The following ADGRV1 variants were observed in gnomAD, a reference collection of about 807,000 sequenced individuals.
ADGRV1 encodes adhesion G protein-coupled receptor V1.
A neutral mutation model predicts 596.2 loss-of-function variants in ADGRV1; 359 were observed. The observed-to-expected ratio is 0.60, with a 90% CI of 0.55 to 0.66. The LOEUF (loss-of-function observed/expected upper bound fraction) is 0.66. Among genes scored for constraint, ADGRV1 ranks in the 30% least tolerant of loss-of-function variants. ADGRV1 has a pLI of 0.00. For missense variants in ADGRV1, 7,274 were observed against 7,575.6 expected (o/e 0.96, Z 1.48); for synonymous variants, 2,681 against 2,679.2 (o/e 1.00, Z -0.02).
Position 90,778,568 on chromosome 5 carries a change from G to A in ADGRV1, c.12808G>A (p.Ala4270Thr), listed in dbSNP as rs764054997. 6.8e-6 allele frequency: 11 copies of A among 1,607,792 alleles called. No homozygotes were observed. Among genetic ancestry groups the A allele is most frequent in the Admixed American group, 3.4e-5 (2 of 59,328 alleles). ...VASDSPYGRFAFSHEQLRVSE... is the reference protein window; with the variant it reads ...VASDSPYGRFTFSHEQLRVSE... ...CAGCGACTCTCCCTATGGCCGATTT[G>A]CCTTTTCACATGAGCAACTTCGAGT... Residue 4270 changes from alanine (A) to threonine (T), a missense_variant, in exon 63 of 90, where the codon GCC becomes ACC. This residue lies in a region of ADGRV1 where 3,643 missense variants were observed against 3,809.2 expected (regional missense o/e 0.96). Transcript: ENST00000405460.
At chr5:90,823,934 C>G (rs1040943362) in intron 76 of ADGRV1, among the ~76,000 whole-genome samples, 2 of 151,896 alleles carry the variant, frequency 1.3e-5, no homozygotes, top group East Asian at 3.9e-4. Flanking sequence ...TTTGTTAGCC[C>G]CTTCCTACTT....
intron 9 of ADGRV1, among the ~76,000 whole-genome samples, chr5:90,631,929 A>G (rs550764530): frequency 1.6e-4 from 24 of 152,306 alleles, no homozygotes; most frequent in African/African-American, 5.5e-4. Context: ...TTAAAAATTG[A>G]TTTTATTAAT....
At position 90,653,882 on chromosome 5, in the gene ADGRV1, C is replaced by G. The variant is rs764931551; in HGVS notation, c.4308C>G (p.Ile1436Met). Residue 1436 changes from isoleucine (I) to methionine (M), a missense_variant, in exon 20 of 90, where the codon ATC becomes ATG. Ile to Met is a conservative substitution (Grantham distance 10). Around this residue, in one of 5 missense-constraint regions of ADGRV1, gnomAD observed 38 missense variants for 66.7 expected, o/e 0.57. Coordinates refer to ENST00000405460, the MANE Select transcript of ADGRV1 (RefSeq NM_032119.4). ...TAATTATCCTGGAGGATGGTATAAT[C>G]GAATTCTACCTGGATGGAAATGCAA... is the stretch of plus-strand genomic sequence containing the variant. ...HLLIILEDGIIEFYLDGNAMP... is the reference protein window; with the variant it reads ...HLLIILEDGIMEFYLDGNAMP... 1.9e-6 allele frequency: 3 copies of G among 1,596,308 alleles called. No homozygotes were observed. The highest frequency in any genetic ancestry group is 4.5e-5 in the East Asian group (2 of 44,466).
intron 10 of ADGRV1, 53 bp downstream of exon 10, chr5:90,635,343 A>T: frequency 8.9e-6 from 9 of 1,008,128 alleles, no homozygotes; most frequent in Middle Eastern, 2.7e-4. Context: ...AGTAATGTAC[A>T]GACACTATTT....
intron 54 of ADGRV1, among the ~76,000 whole-genome samples, chr5:90,754,268 C>A (rs930533307): frequency 6.6e-6 from 1 of 152,004 alleles, no homozygotes; most frequent in Non-Finnish European, 1.5e-5. Flanking sequence ...ATAATTTTAT[C>A]CTGTGAAGTG....
intron 1 of ADGRV1, among the ~76,000 whole-genome samples, chr5:90,613,886 A>G (rs561635230): frequency 8.5e-5 from 13 of 152,258 alleles, no homozygotes; most frequent in African/African-American, 3.1e-4. Flanking sequence ...GTAAAGATTA[A>G]TAGGAAGCAT....
intron 85 of ADGRV1, among the ~76,000 whole-genome samples, chr5:91,005,035 A>G (rs1782158153): frequency 6.6e-6 from 1 of 152,156 alleles, no homozygotes; most frequent in Admixed American, 6.5e-5. Context: ...CATATTTTTT[A>G]AATTGTTGTT....
At chr5:91,086,958 C>G (rs1192149855) in intron 86 of ADGRV1, among the ~76,000 whole-genome samples, 3 of 152,194 alleles carry the variant, frequency 2.0e-5, no homozygotes, top group African/African-American at 4.8e-5. Context: ...CTACAAACAT[C>G]TCGTTACTCA....
At chr5:90,726,653 A>ATGTG (rs55927110) in intron 48 of ADGRV1, among the ~76,000 whole-genome samples, 6,053 of 147,648 alleles carry the variant, frequency 0.041, 140 homozygotes, top group South Asian at 0.096. Context: ...CTCTCTGGGT[A>ATGTG]TGTGTGTGTG....
intron 85 of ADGRV1, among the ~76,000 whole-genome samples, chr5:91,059,098 G>T (rs531081157): frequency 1.9e-4 from 29 of 152,256 alleles, no homozygotes; most frequent in Admixed American, 3.9e-4. Context: ...GAGGATTTGG[G>T]CTTAGCAATA....
At chr5:90,777,199 G>A (rs1037751708) in intron 61 of ADGRV1, among the ~76,000 whole-genome samples, 5 of 152,088 alleles carry the variant, frequency 3.3e-5, no homozygotes, top group African/African-American at 1.2e-4. Flanking sequence ...TGGAAGGGGT[G>A]GAGGGGTGCT....
intron 11 of ADGRV1, 61 bp downstream of exon 11, chr5:90,638,009 TG>T: frequency 8.1e-7 from 1 of 1,236,020 alleles, no homozygotes; most frequent in Non-Finnish European, 1.1e-6. Flanking sequence ...TCAATAACTT[TG>T]ATTTTTTTTT....
chr5:90,732,354 G>T (rs572931321), intron 50 of ADGRV1, among the ~76,000 whole-genome samples: 1 of 151,824 alleles, frequency 6.6e-6, no homozygotes, highest in Non-Finnish European at 1.5e-5. Flanking sequence ...GACAAACATT[G>T]TTTATATTTA....
intron 20 of ADGRV1, among the ~76,000 whole-genome samples, chr5:90,656,114 G>A (rs1422310478): frequency 6.6e-6 from 1 of 152,142 alleles, no homozygotes; most frequent in East Asian, 1.9e-4. Flanking sequence ...ATTTAGCATT[G>A]TAACTTAAGT....
chr5:90,932,903 C>T (rs1775380396), intron 83 of ADGRV1, among the ~76,000 whole-genome samples: 2 of 152,092 alleles, frequency 1.3e-5, no homozygotes, highest in African/African-American at 4.8e-5. Context: ...TGCTCAGTGG[C>T]ATGTGAAAGT....
chr5:90,686,264 G>A (rs1169807036), intron 29 of ADGRV1, among the ~76,000 whole-genome samples: 1 of 151,448 alleles, frequency 6.6e-6, no homozygotes, highest in Non-Finnish European at 1.5e-5. Flanking sequence ...TGCACAACGT[G>A]CAGGTTAGTT....
intron 1 of ADGRV1, among the ~76,000 whole-genome samples, chr5:90,585,157 AAC>A (rs1240793233): frequency 6.6e-6 from 1 of 152,228 alleles, no homozygotes; most frequent in African/African-American, 2.4e-5. Flanking sequence ...AAATTATCCA[AAC>A]ACAAAATTTC....
At position 90,903,422 on chromosome 5, in the gene ADGRV1, A is replaced by G. The variant is rs183714574; in HGVS notation, c.17856+39565A>G. Among the ~76,000 whole-genome samples, 299 of 152,142 alleles carry G rather than the reference A, an allele frequency of 2.0e-3. 1 individual carries two copies. Among genetic ancestry groups the G allele is most frequent in the Non-Finnish European group, 3.3e-3 (225 of 67,940 alleles). On this transcript the variant is annotated intron_variant, in intron 83 of 89. Coordinates refer to ENST00000405460, the MANE Select transcript of ADGRV1 (RefSeq NM_032119.4). ...TTTATCTCTTTAAAATGGGACAATT[A>G]TACTAGTCCCCTACCAGTTTAAATA...
chr5:90,917,568 G>T (rs1773494342), intron 83 of ADGRV1, among the ~76,000 whole-genome samples: 1 of 152,154 alleles, frequency 6.6e-6, no homozygotes, highest in African/African-American at 2.4e-5. Flanking sequence ...CATTCTTCAA[G>T]CTTATATCAA....
Sources: gnomAD v4.1 joint callset for allele counts (sites outside exome capture counted in the v4.1 genomes callset) on GRCh38, gnomAD v4.1.1 for gene constraint, gnomAD v4.1.1 regional missense constraint, MANE v1.5 for transcripts, NCBI Gene and HGNC (gene_info 2026-07-23, HGNC 2026-07-21) for gene names.